PALM2AKAP2: variants seen among roughly 807,000 people sequenced by gnomAD.
The protein encoded by PALM2AKAP2 is PALM2 and AKAP2 fusion, also known as PALM2-AKAP2 fusion protein.
Under a neutral mutation model 71.5 loss-of-function variants are expected in PALM2AKAP2, and 37 were observed. The observed-to-expected ratio is 0.52, with a 90% CI of 0.40 to 0.68. The LOEUF is 0.68. Among genes scored for constraint, PALM2AKAP2 ranks in the 30% least tolerant of loss-of-function variants. The pLI is 0.00. For synonymous variants in PALM2AKAP2, 468 were observed against 478.8 expected, an observed-to-expected ratio of 0.98 and a Z score of 0.29; for missense variants, 1,224 against 1,191.8, an observed-to-expected ratio of 1.03 and a Z score of -0.40.
At chr9:109,860,510 T>G (rs1461798062) in intron 1 of PALM2AKAP2, among the ~76,000 whole-genome samples, 1 of 152,202 alleles carries the variant, frequency 6.6e-6, no homozygotes, top group Non-Finnish European at 1.5e-5. Flanking sequence ...ACAGGCTAGT[T>G]GGCCAAAGTA....
chr9:109,659,210 A>G (rs80081264), intron 1 of PALM2AKAP2, among the ~76,000 whole-genome samples: 1 of 152,222 alleles, frequency 6.6e-6, no homozygotes. Flanking sequence ...GAATTTTTAA[A>G]CAGCTTTTTT....
At chr9:109,758,494 C>A (rs1395387165) in intron 1 of PALM2AKAP2, among the ~76,000 whole-genome samples, 5 of 151,864 alleles carry the variant, frequency 3.3e-5, no homozygotes, top group African/African-American at 1.2e-4. Flanking sequence ...AAACTTGGTA[C>A]ATTTTGCCAG....
intron 1 of PALM2AKAP2, among the ~76,000 whole-genome samples, chr9:109,749,837 G>A (rs1418369264): frequency 2.6e-5 from 4 of 152,148 alleles, no homozygotes; most frequent in African/African-American, 7.2e-5. Context: ...CAAGGAGTTC[G>A]TTGTCAACCT....
rs115529810 is a variant in PALM2AKAP2 at position 109,698,032 on chromosome 9, A to G, written c.5+57166A>G. Among the ~76,000 whole-genome samples, 1,091 of 152,330 alleles carry G rather than the reference A, an allele frequency of 7.2e-3. 16 individuals carry two copies. Among genetic ancestry groups the G allele is most frequent in the African/African-American group, 0.025 (1,042 of 41,572 alleles). On this transcript the variant is annotated intron_variant, in intron 1 of 6. Transcript: ENST00000374531. ...TCTGCTGTGAATTGTGGATTACATT[A>G]AGAATCAAACATACTGGATTTAGGG...
intron 3 of PALM2AKAP2, among the ~76,000 whole-genome samples, chr9:110,165,054 C>G (rs141512191): frequency 0.021 from 3,262 of 152,114 alleles, 44 homozygotes; most frequent in Non-Finnish European, 0.028. Flanking sequence ...TACTTAACCT[C>G]CCTGTGCTTC....
upstream of PALM2AKAP2, among the ~76,000 whole-genome samples, chr9:109,777,150 CTT>C (rs752906094): frequency 1.3e-5 from 2 of 152,178 alleles, no homozygotes; most frequent in African/African-American, 4.8e-5. Flanking sequence ...ATCAATGACT[CTT>C]TGTTCAATTG....
chr9:109,900,941 A>G (rs551885211), intron 3 of PALM2AKAP2, among the ~76,000 whole-genome samples: 7 of 152,368 alleles, frequency 4.6e-5, no homozygotes, highest in Non-Finnish European at 1.0e-4. Flanking sequence ...TAAAAGGTAA[A>G]TCAAATTCAG....
At position 109,715,354 on chromosome 9, in the gene PALM2AKAP2, A is replaced by G. The variant is rs192524998; in HGVS notation, c.6-65134A>G. Among the ~76,000 whole-genome samples the G allele has an allele frequency of 2.3e-3, 349 of 152,330 alleles. 1 individual carries two copies. The highest frequency in any genetic ancestry group is 3.7e-3 in the Non-Finnish European group (252 of 68,018). On this transcript the variant is annotated intron_variant, in intron 1 of 6. Transcript: ENST00000374531. ...TGGCACCTGGGAGGCATGAAATACA[A>G]GTGACTTGACATTGAATTATTCACT...
chr9:109,881,354 C>T (rs943742166), intron 3 of PALM2AKAP2, among the ~76,000 whole-genome samples: 1 of 152,172 alleles, frequency 6.6e-6, no homozygotes, highest in African/African-American at 2.4e-5. Context: ...CTTATATTAG[C>T]TTTCATCTTT....
intron 6 of PALM2AKAP2, among the ~76,000 whole-genome samples, chr9:109,960,967 T>G (rs1158690179): frequency 6.6e-6 from 1 of 152,212 alleles, no homozygotes; most frequent in Non-Finnish European, 1.5e-5. Flanking sequence ...ATTAGGCTAC[T>G]GAAGCACACC....
intron 7 of PALM2AKAP2, among the ~76,000 whole-genome samples, chr9:110,043,514 AATAAAGT>A (rs1359310528): frequency 6.6e-6 from 1 of 152,184 alleles, no homozygotes; most frequent in Non-Finnish European, 1.5e-5. Context: ...TATGCCCATC[AATAAAGT>A]ATAATCACTT....
At position 109,743,424 on chromosome 9, in the gene PALM2AKAP2, G is replaced by A. The variant is rs543866404; in HGVS notation, c.6-37064G>A. Among the ~76,000 whole-genome samples, 17 of 152,268 alleles carry A rather than the reference G, an allele frequency of 1.1e-4. No individual in the cohort carries two copies. The East Asian group carries it at 1.4e-3, about 12-fold the overall frequency. On this transcript the variant is annotated intron_variant, in intron 1 of 6. Coordinates refer to the PALM2AKAP2 transcript ENST00000374531. ...AATTTAGAGTTAGGTTAGAAGCTGC[G>A]CAAACACCTGTTCTGCAGCTGCAGG...
At chr9:110,101,742 T>C (rs533780864) in intron 1 of PALM2AKAP2, among the ~76,000 whole-genome samples, 1 of 152,318 alleles carries the variant, frequency 6.6e-6, no homozygotes, top group African/African-American at 2.4e-5. Context: ...TGCAGCTGCT[T>C]GCATGCTTTC....
chr9:110,049,272 C>T (rs2132495286), intron 1 of PALM2AKAP2, among the ~76,000 whole-genome samples: 1 of 152,278 alleles, frequency 6.6e-6, no homozygotes, highest in Admixed American at 6.5e-5. Flanking sequence ...TGCAGCCGTT[C>T]CTTCTAGCTC....
intron 6 of PALM2AKAP2, among the ~76,000 whole-genome samples, chr9:109,979,041 G>A (rs929499600): frequency 1.3e-5 from 2 of 151,602 alleles, no homozygotes; most frequent in Non-Finnish European, 2.9e-5. Flanking sequence ...CTGGGCTGGA[G>A]TGCAGTGGTG....
intron 1 of PALM2AKAP2, among the ~76,000 whole-genome samples, chr9:109,749,729 G>C (rs149198474): frequency 6.6e-6 from 1 of 152,282 alleles, no homozygotes; most frequent in East Asian, 1.9e-4. Flanking sequence ...TAATTTGACA[G>C]ACATTTGCCA....
intron 7 of PALM2AKAP2, chr9:110,025,230 C>T (rs1833154476): frequency 2.6e-6 from 3 of 1,155,472 alleles, no homozygotes; most frequent in South Asian, 1.2e-5. Flanking sequence ...TACCCATTCC[C>T]TTGATGTCTA....
chr9:109,679,616 T>G (rs1454345786), intron 1 of PALM2AKAP2, among the ~76,000 whole-genome samples: 1 of 152,166 alleles, frequency 6.6e-6, no homozygotes, highest in South Asian at 2.1e-4. Flanking sequence ...CAATGGGAGA[T>G]GCAGAGCTAC....
chr9:109,802,106 A>T (rs1827447592), intron 1 of PALM2AKAP2, among the ~76,000 whole-genome samples: 1 of 152,204 alleles, frequency 6.6e-6, no homozygotes, highest in Non-Finnish European at 1.5e-5. Context: ...TCACTGTGGG[A>T]TGGAGCAAGA....
Sources: gnomAD v4.1 joint callset for allele counts (sites outside exome capture counted in the v4.1 genomes callset) on GRCh38, gnomAD v4.1.1 for gene constraint, MANE v1.5 for transcripts, NCBI Gene and HGNC (gene_info 2026-07-23, HGNC 2026-07-21) for gene names.